Variants in PRKAA1 observed in about 807,000 individuals in gnomAD.
PRKAA1 encodes the protein protein kinase AMP-activated catalytic subunit alpha 1.
In PRKAA1, 23 loss-of-function variants were observed where a neutral mutation model predicts 56.9. The observed-to-expected ratio is 0.40, with a 90% CI of 0.29 to 0.57. PRKAA1 has a LOEUF of 0.57. Among genes scored for constraint, PRKAA1 ranks in the 20% least tolerant of loss-of-function variants. The pLI is 0.39. For synonymous variants in PRKAA1, 226 were observed against 227.0 expected (o/e 1.00, Z 0.04); for missense variants, 413 against 679.7 (o/e 0.61, Z 4.36).
intron 1 of PRKAA1, among the ~76,000 whole-genome samples, chr5:40,795,821 C>T (rs1241935240): frequency 1.3e-5 from 2 of 152,158 alleles, no homozygotes; most frequent in African/African-American, 2.4e-5. Context: ...TAATATTGGC[C>T]TTTGTACATT....
In PRKAA1 at chr5:40,768,383, T is replaced by A; in HGVS notation, c.597-693A>T. 3 of 896,466 alleles carry A rather than the reference T, an allele frequency of 3.3e-6. No individual in the cohort carries two copies. The South Asian group carries it at 1.5e-4, about 46-fold the overall frequency. The allele number at this position is 896,466 out of a possible 1,614,324, so 55.5% of individuals were successfully genotyped here. A position where few individuals can be genotyped will look rare whatever the true frequency, so the allele number is the denominator to read the frequency against. ...TTTCAGTAATAGCCCATTGCATATATGCACAGTTATAACATTTCTTTTTAT... is the reference window on the plus strand; with the variant it reads ...TTTCAGTAATAGCCCATTGCATATAAGCACAGTTATAACATTTCTTTTTAT... On this transcript the variant is annotated intron_variant, in intron 5 of 8. Transcript: ENST00000397128.
intron 1 of PRKAA1, among the ~76,000 whole-genome samples, chr5:40,781,189 T>C (rs926646764): frequency 6.6e-6 from 1 of 151,910 alleles, no homozygotes; most frequent in African/African-American, 2.4e-5. Context: ...GTGAGATTTT[T>C]AGAATTTAGG....
intron 1 of PRKAA1, among the ~76,000 whole-genome samples, chr5:40,778,779 A>ATTTTTTTTTTTTTTTTTTT (rs70988808): frequency 1.7e-5 from 1 of 57,822 alleles, no homozygotes; most frequent in African/African-American, 8.0e-5. Flanking sequence ...CTGTTTTTTA[A>ATTTTTTTTTTTTTTTTTTT]TTTTTTTTTT....
intron 1 of PRKAA1, among the ~76,000 whole-genome samples, chr5:40,794,174 T>C (rs1434944339): frequency 6.6e-6 from 1 of 152,182 alleles, no homozygotes; most frequent in Admixed American, 6.5e-5. Context: ...GATTTTTTGA[T>C]GATGGCCATT....
intron 6 of PRKAA1, among the ~76,000 whole-genome samples, chr5:40,765,830 G>GGGTC (rs1743407290): frequency 6.6e-6 from 1 of 152,024 alleles, no homozygotes; most frequent in Non-Finnish European, 1.5e-5. Flanking sequence ...AGTTCTGTGT[G>GGGTC]ACTGGAAAGG....
In PRKAA1 at chr5:40,767,697, C is replaced by G. The variant is rs562048628; in HGVS notation, c.597-7G>C. 2 of 1,572,506 alleles carry G rather than the reference C, an allele frequency of 1.3e-6. No homozygotes were observed. Among genetic ancestry groups the G allele is most frequent in the South Asian group, 2.3e-5 (2 of 87,886 alleles). Reference sequence around the variant, plus strand: ...CTCTGGGCCTGCATACAATCTGTAACAGGAAATAACAATTGGATTAAAGAA... The same window carrying G: ...CTCTGGGCCTGCATACAATCTGTAAGAGGAAATAACAATTGGATTAAAGAA... On this transcript the variant is annotated splice_region_variant and splice_polypyrimidine_tract_variant and intron_variant, in intron 5 of 8. Transcript: ENST00000397128.
intron 1 of PRKAA1, among the ~76,000 whole-genome samples, chr5:40,797,808 T>C (rs1644988): frequency 0.99 from 151,291 of 152,196 alleles, 75,234 homozygotes; most frequent in Middle Eastern, 1. Context: ...CAGCCCCTCG[T>C]ACCTACCAGC....
intron 1 of PRKAA1, among the ~76,000 whole-genome samples, chr5:40,785,883 G>A (rs1744459572): frequency 1.3e-5 from 2 of 150,492 alleles, no homozygotes; most frequent in Admixed American, 6.6e-5. Context: ...GAGAGAGCAA[G>A]CGAGCGCAGC....
chr5:40,788,412 A>G (rs1299266706), intron 1 of PRKAA1, among the ~76,000 whole-genome samples: 1 of 152,228 alleles, frequency 6.6e-6, no homozygotes, highest in Non-Finnish European at 1.5e-5. Context: ...AATCTACTAG[A>G]AGAAAACTTA....
chr5:40,764,650 G>A lies in PRKAA1; in HGVS notation c.1309-10C>T, dbSNP rs2111978575. The A allele has an allele frequency of 6.2e-7, 1 of 1,610,696 alleles. No individual in the cohort carries two copies. The highest frequency in any genetic ancestry group is 2.2e-5 in the East Asian group (1 of 44,804). On this transcript the variant is annotated splice_polypyrimidine_tract_variant and intron_variant, in intron 7 of 8. Transcript: ENST00000397128. ...AATATGGGTTTACAACCTAGCACAT[G>A]GTATAACAAAAACCAAGTCAAAAGT...
chr5:40,789,958 C>A (rs879737819), intron 1 of PRKAA1: 1 of 152,048 alleles, frequency 6.6e-6, no homozygotes, highest in African/African-American at 2.4e-5. Context: ...GTAGGAATGG[C>A]CTTCATTGGT....
rs1486382515 is a variant in PRKAA1, at chr5:40,765,028, T to A, written c.1032A>T (p.Ile344=). The A allele has an allele frequency of 6.2e-7, 1 of 1,614,198 alleles. No individual in the cohort carries two copies. The highest frequency in any genetic ancestry group is 8.5e-7 in the Non-Finnish European group (1 of 1,180,024). The change falls in exon 7 of 9, where the codon ATA becomes ATT. Residue 344 remains isoleucine (I), a synonymous_variant. Transcript: ENST00000397128. Reference sequence around the variant, plus strand: ...AATAGAAATCTTTGGCTTCATTCATTATTCTCCTGTTATCTATTATGAGAT... The same window carrying A: ...AATAGAAATCTTTGGCTTCATTCATAATTCTCCTGTTATCTATTATGAGAT... ...AYHLIIDNRR[I]MNEAKDFYLA... is the part of the protein sequence containing the mutation.
chr5:40,768,864 T>C lies in PRKAA1; in HGVS notation c.596+552A>G, dbSNP rs377172558. The C allele has an allele frequency of 2.6e-4, 406 of 1,551,076 alleles. 2 individuals are homozygous for C. The African/African-American group carries it at 4.9e-3, about 19-fold the overall frequency. Reference sequence around the variant, plus strand: ...CCAAACTATTCAAAAAGCGACACTGTACAAATATCTTCATGTTCTCAATGC... The same window carrying C: ...CCAAACTATTCAAAAAGCGACACTGCACAAATATCTTCATGTTCTCAATGC... On this transcript the variant is annotated intron_variant, in intron 5 of 8. Transcript: ENST00000397128.
intron 1 of PRKAA1, among the ~76,000 whole-genome samples, chr5:40,785,885 G>A (rs1373719855): frequency 2.0e-5 from 3 of 150,888 alleles, no homozygotes; most frequent in Non-Finnish European, 3.0e-5. Context: ...GAGAGCAAGC[G>A]AGCGCAGCCA....
At chr5:40,788,763 G>A (rs571859218) in intron 1 of PRKAA1, among the ~76,000 whole-genome samples, 4 of 152,146 alleles carry the variant, frequency 2.6e-5, no homozygotes, top group East Asian at 1.9e-4. Context: ...GGAGGCGGAC[G>A]CTGCAGTGAG....
chr5:40,776,285 C>G (rs1743999444), intron 2 of PRKAA1, among the ~76,000 whole-genome samples: 1 of 152,162 alleles, frequency 6.6e-6, no homozygotes, highest in African/African-American at 2.4e-5. Context: ...AAAATGGTTC[C>G]TAAGTTTTAG....
chr5:40,768,711 G>C, intron 5 of PRKAA1: 1 of 1,295,842 alleles, frequency 7.7e-7, no homozygotes, highest in Non-Finnish European at 9.8e-7. Flanking sequence ...ACACAAATAA[G>C]CATGGTTTGG....
rs1331431759 is a variant in PRKAA1, at chr5:40,767,561, G to A, written c.726C>T (p.Phe242=). 3 of 1,613,378 alleles carry A rather than the reference G, an allele frequency of 1.9e-6. 1 individual carries two copies. In the East Asian group the frequency reaches 6.7e-5, roughly 36 times the overall value. The part of the protein sequence containing the change: ...TLFKKICDGI[F]YTPQYLNPSV... ...AAGGATTTAAATATTGAGGGGTATA[G>A]AAGATCCCATCACATATCTTCTTAA... The change falls in exon 6 of 9, where the codon TTC becomes TTT. Residue 242 remains phenylalanine (F), a synonymous_variant. Coordinates refer to ENST00000397128, the MANE Select transcript of PRKAA1 (RefSeq NM_006251.6).
intron 1 of PRKAA1, 42 bp downstream of exon 1, chr5:40,798,021 G>T: frequency 6.3e-7 from 1 of 1,597,340 alleles, no homozygotes; most frequent in Non-Finnish European, 8.5e-7. Context: ...AAGTCGTGCG[G>T]CTCCTCAGCT....
Sources: allele counts gnomAD v4.1 joint callset (sites outside exome capture counted in the v4.1 genomes callset), GRCh38; gene constraint gnomAD v4.1.1; transcripts MANE v1.5; gene names NCBI Gene and HGNC (gene_info 2026-07-23, HGNC 2026-07-21).